The following CNTN5 variants were observed in gnomAD, a reference collection of about 807,000 sequenced individuals.
The protein encoded by CNTN5 is contactin 5.
CNTN5 carries 77 observed loss-of-function variants against 129.1 expected under a neutral mutation model. The ratio of observed to expected loss-of-function variants is 0.60; its 90% CI spans 0.50 to 0.72. The LOEUF is 0.72. CNTN5 is among the 30% of genes least tolerant of loss of function. CNTN5 has a pLI of 0.00. For missense variants in CNTN5, 1,478 were observed against 1,328.8 expected (o/e 1.11, Z -1.75); for synonymous variants, 509 against 465.6 (o/e 1.09, Z -1.20).
At chr11:99,183,650 C>T (rs1445861821) in intron 1 of CNTN5, among the ~76,000 whole-genome samples, 3 of 152,022 alleles carry the variant, frequency 2.0e-5, no homozygotes, top group Non-Finnish European at 2.9e-5. Context: ...AAGCTCTATC[C>T]TCGGTTTTCT....
At chr11:99,943,508 C>G (rs1012332595) in intron 7 of CNTN5, among the ~76,000 whole-genome samples, 1 of 152,068 alleles carries the variant, frequency 6.6e-6, no homozygotes, top group Non-Finnish European at 1.5e-5. Flanking sequence ...ATGATAGTTT[C>G]TTTTGCTGTG....
chr11:99,589,796 G>C (rs1949919739), intron 3 of CNTN5, among the ~76,000 whole-genome samples: 1 of 152,170 alleles, frequency 6.6e-6, no homozygotes, highest in Non-Finnish European at 1.5e-5. Flanking sequence ...CATTGGAATA[G>C]AAGGAATGGC....
At chr11:99,301,381 C>T (rs759723631) in intron 1 of CNTN5, among the ~76,000 whole-genome samples, 1 of 151,392 alleles carries the variant, frequency 6.6e-6, no homozygotes, top group Non-Finnish European at 1.5e-5. Flanking sequence ...ACAAATAGAT[C>T]AACTGTAAAA....
At chr11:99,638,668 C>T (rs1375122989) in intron 3 of CNTN5, among the ~76,000 whole-genome samples, 1 of 152,166 alleles carries the variant, frequency 6.6e-6, no homozygotes, top group Non-Finnish European at 1.5e-5. Flanking sequence ...CCATGCAAGT[C>T]CAAAATCCAG....
chr11:99,035,097 T>C (rs1565264305), intron 1 of CNTN5, among the ~76,000 whole-genome samples: 2 of 151,200 alleles, frequency 1.3e-5, no homozygotes, highest in Admixed American at 1.3e-4. Flanking sequence ...AGATTCTTAA[T>C]CCTGAGTTCT....
intron 9 of CNTN5, among the ~76,000 whole-genome samples, chr11:100,023,650 G>A (rs148356767): frequency 6.6e-6 from 1 of 152,098 alleles, no homozygotes; most frequent in East Asian, 1.9e-4. Context: ...AATCTTCTGG[G>A]TTCCATCTAC....
At chr11:99,619,168 CAG>C (rs1444226145) in intron 3 of CNTN5, among the ~76,000 whole-genome samples, 7 of 132,724 alleles carry the variant, frequency 5.3e-5, no homozygotes, top group Non-Finnish European at 1.0e-4. Flanking sequence ...TTCTTAAAAT[CAG>C]AGTTTTTTGT....
intron 1 of CNTN5, among the ~76,000 whole-genome samples, chr11:99,291,329 A>G (rs866476895): frequency 1.3e-5 from 2 of 151,876 alleles, no homozygotes; most frequent in African/African-American, 2.4e-5. Context: ...TTTTGCAAAA[A>G]TAGGGTCACT....
intron 4 of CNTN5, among the ~76,000 whole-genome samples, chr11:99,836,319 TG>T (rs1290436923): frequency 8.2e-5 from 10 of 121,504 alleles, no homozygotes; most frequent in Non-Finnish European, 1.6e-4. Flanking sequence ...CAGGCCCTGG[TG>T]TGTGATGTTC....
intron 1 of CNTN5, among the ~76,000 whole-genome samples, chr11:99,206,839 T>C (rs12362153): frequency 0.14 from 20,773 of 152,088 alleles, 1,565 homozygotes; most frequent in Middle Eastern, 0.27. Context: ...TATTTAACTT[T>C]TCTTTTGGCC....
chr11:100,135,826 T>G (rs1946505509), intron 13 of CNTN5, among the ~76,000 whole-genome samples: 1 of 152,170 alleles, frequency 6.6e-6, no homozygotes, highest in South Asian at 2.1e-4. Context: ...TTCGGGTTTA[T>G]GATCTCTTGT....
chr11:99,100,660 C>T (rs1033946149), intron 1 of CNTN5, among the ~76,000 whole-genome samples: 6 of 151,942 alleles, frequency 3.9e-5, no homozygotes, highest in African/African-American at 1.5e-4. Flanking sequence ...TTTAGATGAG[C>T]AGGAAATATA....
intron 7 of CNTN5, among the ~76,000 whole-genome samples, chr11:99,917,719 A>G (rs1591417423): frequency 6.6e-6 from 1 of 152,192 alleles, no homozygotes; most frequent in African/African-American, 2.4e-5. Context: ...AGAGGATAAT[A>G]TAGAAGTCAA....
At chr11:99,713,616 T>C (rs568220698) in intron 3 of CNTN5, among the ~76,000 whole-genome samples, 1 of 151,994 alleles carries the variant, frequency 6.6e-6, no homozygotes, top group Non-Finnish European at 1.5e-5. Flanking sequence ...TATGTATGTA[T>C]GTTTACAAAT....
At chr11:99,309,312 T>C (rs1461674) in intron 1 of CNTN5, among the ~76,000 whole-genome samples, 1 of 151,320 alleles carries the variant, frequency 6.6e-6, no homozygotes, top group African/African-American at 2.4e-5. Flanking sequence ...AAAAAATGTT[T>C]CACTTTGTTC....
At chr11:100,095,864 T>G (rs1944992382) in intron 13 of CNTN5, among the ~76,000 whole-genome samples, 1 of 152,120 alleles carries the variant, frequency 6.6e-6, no homozygotes, top group Admixed American at 6.6e-5. Flanking sequence ...GTCTCCATTA[T>G]TTTTAGCAAA....
At chr11:99,192,824 A>T (rs1679185126) in intron 1 of CNTN5, among the ~76,000 whole-genome samples, 1 of 152,118 alleles carries the variant, frequency 6.6e-6, no homozygotes, top group Non-Finnish European at 1.5e-5. Context: ...TTTTCTCGGG[A>T]CTTTAGTTAA....
chr11:100,337,650 T>A (rs1221246194), intron 21 of CNTN5: 2 of 667,164 alleles, frequency 3.0e-6, no homozygotes, highest in African/African-American at 3.6e-5. Context: ...GTACCTGAGA[T>A]TTTTTACAGC....
At chr11:99,517,148 A>G (rs552242955) in intron 2 of CNTN5, among the ~76,000 whole-genome samples, 1 of 152,270 alleles carries the variant, frequency 6.6e-6, no homozygotes, top group South Asian at 2.1e-4. Flanking sequence ...GACCAGTCAA[A>G]TACAGGGAGG....
Sources: gnomAD v4.1 joint callset for allele counts (sites outside exome capture counted in the v4.1 genomes callset) on GRCh38, gnomAD v4.1.1 for gene constraint, MANE v1.5 for transcripts, NCBI Gene and HGNC (gene_info 2026-07-23, HGNC 2026-07-21) for gene names.